MCTP1: variants seen among roughly 807,000 people sequenced by gnomAD.
The protein encoded by MCTP1 is multiple C2 and transmembrane domain-containing protein 1.
In MCTP1, 69 loss-of-function variants were observed where a neutral mutation model predicts 120.6. The observed-to-expected ratio is 0.57, with a 90% CI of 0.47 to 0.70. The LOEUF is 0.70. Among genes scored for constraint, MCTP1 ranks in the 30% least tolerant of loss-of-function variants. The probability of loss-of-function intolerance (pLI) is 0.00; values close to 1 mark genes in which losing one functional copy is unlikely to be tolerated. For synonymous variants in MCTP1, 529 were observed against 493.1 expected, an observed-to-expected ratio of 1.07 and a Z score of -0.96; for missense variants, 1,203 against 1,248.8, an observed-to-expected ratio of 0.96 and a Z score of 0.55.
At chr5:95,028,792 C>T (rs893721484) in intron 1 of MCTP1, among the ~76,000 whole-genome samples, 3 of 152,208 alleles carry the variant, frequency 2.0e-5, no homozygotes, top group Non-Finnish European at 4.4e-5. Context: ...GCCAAAAATA[C>T]TATCCTGTCT....
chr5:94,725,988 G>T (rs935228053), intron 19 of MCTP1, among the ~76,000 whole-genome samples: 2 of 152,118 alleles, frequency 1.3e-5, no homozygotes, highest in Non-Finnish European at 1.5e-5. Context: ...AAAGACAACA[G>T]AATTTTCTCC....
intron 1 of MCTP1, among the ~76,000 whole-genome samples, chr5:95,277,746 A>G (rs150338778): frequency 1.1e-3 from 162 of 152,284 alleles, no homozygotes; most frequent in South Asian, 4.8e-3. Context: ...GGAGGATACA[A>G]AGATCCTAAG....
chr5:94,842,190 G>T (rs1486354431), intron 17 of MCTP1, among the ~76,000 whole-genome samples: 2 of 152,206 alleles, frequency 1.3e-5, no homozygotes, highest in African/African-American at 4.8e-5. Context: ...TGAGAGGAAA[G>T]AAGAGGAAAT....
At chr5:95,215,404 G>A (rs1424200652) in intron 1 of MCTP1, among the ~76,000 whole-genome samples, 1 of 152,156 alleles carries the variant, frequency 6.6e-6, no homozygotes, top group African/African-American at 2.4e-5. Flanking sequence ...TCTTTCATAA[G>A]AGAATGTCAT....
intron 1 of MCTP1, among the ~76,000 whole-genome samples, chr5:95,108,317 C>A (rs1043742737): frequency 5.3e-5 from 8 of 152,108 alleles, no homozygotes; most frequent in African/African-American, 1.9e-4. Flanking sequence ...AGATGGAAAC[C>A]AAGAACATTT....
intron 1 of MCTP1, among the ~76,000 whole-genome samples, chr5:95,052,705 TAA>T (rs1186253279): frequency 6.6e-6 from 1 of 152,204 alleles, no homozygotes; most frequent in Non-Finnish European, 1.5e-5. Flanking sequence ...TATCCAGGGA[TAA>T]AATTAGTAAT....
chr5:95,115,821 C>G (rs554824290), intron 1 of MCTP1, among the ~76,000 whole-genome samples: 4 of 152,096 alleles, frequency 2.6e-5, no homozygotes, highest in African/African-American at 9.6e-5. Context: ...AAGAATACTA[C>G]CTCAATGTAT....
intron 4 of MCTP1, among the ~76,000 whole-genome samples, chr5:94,941,867 G>A (rs1206305715): frequency 6.6e-6 from 1 of 151,966 alleles, no homozygotes; most frequent in Non-Finnish European, 1.5e-5. Context: ...TCCACCTTAG[G>A]AGCATTCCTT....
intron 2 of MCTP1, among the ~76,000 whole-genome samples, chr5:95,001,349 C>T (rs1833649419): frequency 6.6e-6 from 1 of 152,148 alleles, no homozygotes; most frequent in African/African-American, 2.4e-5. Context: ...ACTCGGTAAT[C>T]AGCAGAGGCT....
intron 1 of MCTP1, among the ~76,000 whole-genome samples, chr5:95,031,071 T>A (rs1427993156): frequency 1.3e-5 from 2 of 151,734 alleles, no homozygotes; most frequent in East Asian, 3.9e-4. Context: ...TTTCAAATTA[T>A]CTGAGTCAGA....
chr5:94,711,598 A>G (rs1385854666), intron 20 of MCTP1, among the ~76,000 whole-genome samples: 2 of 152,130 alleles, frequency 1.3e-5, no homozygotes, highest in African/African-American at 4.8e-5. Flanking sequence ...ACTCCTTGTG[A>G]AGGACAGCAT....
At chr5:94,926,530 G>A (rs989060634) in intron 6 of MCTP1, among the ~76,000 whole-genome samples, 33 of 152,190 alleles carry the variant, frequency 2.2e-4, no homozygotes, top group South Asian at 1.2e-3. Flanking sequence ...CAATTGTTAC[G>A]TTAACCAGGG....
chr5:95,037,040 A>T (rs961899075), intron 1 of MCTP1, among the ~76,000 whole-genome samples: 7 of 152,340 alleles, frequency 4.6e-5, no homozygotes, highest in East Asian at 3.9e-4. Flanking sequence ...ACAGTTTTGC[A>T]TGTGACATTT....
Position 94,706,177 on chromosome 5 carries a change from C to G in MCTP1, c.*1319G>C, listed in dbSNP as rs1754531694. ...TTATTATTAATAAAGTAGTGCAAAG[C>G]ATTGTCTGCTGCAATTTCAACTGAG... On this transcript the variant is annotated 3_prime_UTR_variant, in exon 23 of 23. Transcript: ENST00000515393. 2 of 151,728 alleles carry G rather than the reference C, an allele frequency of 1.3e-5. No homozygotes were observed. Among genetic ancestry groups the G allele is most frequent in the South Asian group, 4.2e-4 (2 of 4,818 alleles). The allele number at this position is 151,728 out of a possible 1,614,324, so 9.4% of individuals were successfully genotyped here. A position where few individuals can be genotyped will look rare whatever the true frequency, so the allele number is the denominator to read the frequency against.
chr5:94,985,896 TG>T (rs1351303373), intron 2 of MCTP1, among the ~76,000 whole-genome samples: 1 of 152,216 alleles, frequency 6.6e-6, no homozygotes, highest in Non-Finnish European at 1.5e-5. Flanking sequence ...TTGATTGTTT[TG>T]GTTCACTTAT....
chr5:95,162,829 T>C (rs964565332), intron 1 of MCTP1, among the ~76,000 whole-genome samples: 3 of 152,308 alleles, frequency 2.0e-5, no homozygotes, highest in Admixed American at 6.5e-5. Flanking sequence ...AGGATTTACA[T>C]ATAAACCTTA....
intron 1 of MCTP1, among the ~76,000 whole-genome samples, chr5:95,203,922 C>T (rs562979106): frequency 6.6e-6 from 1 of 152,154 alleles, no homozygotes. Context: ...TAGTCATCTT[C>T]AAGAAACATT....
chr5:95,105,144 G>A (rs1260672706), intron 1 of MCTP1, among the ~76,000 whole-genome samples: 1 of 152,202 alleles, frequency 6.6e-6, no homozygotes, highest in East Asian at 1.9e-4. Flanking sequence ...TACTTTAGCA[G>A]CTCTGAGCCA....
In MCTP1 at chr5:95,024,677, A is replaced by ACACACC. The variant is rs1185400384; in HGVS notation, c.721-7194_721-7193insGGTGTG. ...CACACACACACACACACACACACAC[A>ACACACC]CCCCTAAATGCCATCCCAAACTGTT... On this transcript the variant is annotated intron_variant, in intron 1 of 22. Transcript: ENST00000515393. 5.1e-4 allele frequency among the ~76,000 whole-genome samples: 77 copies of ACACACC among 150,866 alleles called. No homozygotes were observed. The East Asian group carries it at 6.2e-3, about 12-fold the overall frequency.
Sources: gnomAD v4.1 joint callset for allele counts (sites outside exome capture counted in the v4.1 genomes callset) on GRCh38, gnomAD v4.1.1 for gene constraint, MANE v1.5 for transcripts, NCBI Gene and HGNC (gene_info 2026-07-23, HGNC 2026-07-21) for gene names.